Variants in ZNF33B observed in about 807,000 individuals in gnomAD.
ZNF33B encodes the protein zinc finger protein 33B.
In ZNF33B, 29 loss-of-function variants were observed where a neutral mutation model predicts 45.8. That is an observed-to-expected ratio of 0.63 (90% CI 0.47 to 0.86). ZNF33B has a LOEUF of 0.86. Ranked by LOEUF, ZNF33B falls within the 40% of genes least tolerant of loss-of-function variation. The pLI is 0.00. For missense variants in ZNF33B, 831 were observed against 909.9 expected (o/e 0.91, Z 1.12); for synonymous variants, 305 against 307.8 (o/e 0.99, Z 0.10).
chr10:42,601,468 G>GTTTTTT lies in ZNF33B; in HGVS notation c.251-6775_251-6770dup, dbSNP rs57196690. 5.2e-4 allele frequency among the ~76,000 whole-genome samples: 41 copies of GTTTTTT among 79,470 alleles called. 1 individual carries two copies. The highest frequency in any genetic ancestry group is 1.4e-3 in the African/African-American group (29 of 20,194). The allele number at this position is 79,470 out of a possible 152,430, so 52.1% of individuals were successfully genotyped here. On this transcript the variant is annotated intron_variant, in intron 4 of 4. Coordinates refer to ENST00000359467, the MANE Select transcript of ZNF33B (RefSeq NM_006955.3). ...GTTCTCCTAAAGCTCACATGGGCTT[G>GTTTTTT]TTTTTTTTTTTTTTTTTTTTTTTTT...
intron 4 of ZNF33B, among the ~76,000 whole-genome samples, chr10:42,620,435 C>T (rs558991800): frequency 6.6e-6 from 1 of 152,164 alleles, no homozygotes; most frequent in East Asian, 1.9e-4. Context: ...CAGGGTCTTG[C>T]TCTGTCACCC....
chr10:42,575,447 G>A (rs534178933), intron 1 of ZNF33B, among the ~76,000 whole-genome samples: 4 of 152,244 alleles, frequency 2.6e-5, no homozygotes, highest in East Asian at 1.9e-4. Context: ...TACTAGCTCC[G>A]AGAACTGAGA....
intron 4 of ZNF33B, among the ~76,000 whole-genome samples, chr10:42,626,046 G>C (rs989274769): frequency 5.9e-5 from 9 of 152,208 alleles, no homozygotes; most frequent in African/African-American, 1.9e-4. Flanking sequence ...ATCAAACTGA[G>C]GAAGATCCTC....
rs185751880 is a variant in ZNF33B, at chr10:42,615,055, A to G, written c.250+16874T>C. Among the ~76,000 whole-genome samples the G allele has an allele frequency of 6.6e-5, 10 of 152,318 alleles. No individual in the cohort carries two copies. The South Asian group carries it at 1.2e-3, about 19-fold the overall frequency. On this transcript the variant is annotated intron_variant, in intron 4 of 4. Coordinates refer to ENST00000359467, the MANE Select transcript of ZNF33B (RefSeq NM_006955.3). ...AACTACTGGATTGGTATAATAAATA[A>G]TAACAATAATATTAATAAAAAGTGT...
At chr10:42,618,975 T>A (rs1241071635) in intron 4 of ZNF33B, among the ~76,000 whole-genome samples, 1 of 152,124 alleles carries the variant, frequency 6.6e-6, no homozygotes, top group Non-Finnish European at 1.5e-5. Context: ...CTATTGATAG[T>A]CCTGTGCATG....
At chr10:42,583,240 G>A (rs1836860068) in intron 1 of ZNF33B, 1 of 644,062 alleles carries the variant, frequency 1.6e-6, no homozygotes, top group Non-Finnish European at 2.9e-6. Context: ...CTTAACCAAA[G>A]GAGGGAGACA....
At chr10:42,636,809 C>T in intron 2 of ZNF33B, 111 bp downstream of exon 2, 1 of 1,481,332 alleles carries the variant, frequency 6.8e-7, no homozygotes, top group Non-Finnish European at 9.4e-7. Context: ...GCCTGGGCGA[C>T]AGAGCGAGAC....
chr10:42,630,796 G>A (rs1839013978), intron 4 of ZNF33B, among the ~76,000 whole-genome samples: 1 of 152,150 alleles, frequency 6.6e-6, no homozygotes, highest in Non-Finnish European at 1.5e-5. Context: ...CTCATCTGCT[G>A]AAAATCTACC....
At chr10:42,611,996 AGACAG>A (rs1190087713) in intron 4 of ZNF33B, among the ~76,000 whole-genome samples, 2 of 152,148 alleles carry the variant, frequency 1.3e-5, no homozygotes, top group African/African-American at 2.4e-5. Flanking sequence ...AAGAGTGAAG[AGACAG>A]GACATCTTGT....
intron 1 of ZNF33B, among the ~76,000 whole-genome samples, chr10:42,580,416 T>C (rs1298425970): frequency 2.0e-5 from 3 of 152,030 alleles, no homozygotes; most frequent in African/African-American, 7.2e-5. Flanking sequence ...TTTTGTATTT[T>C]TAGTAGAGAT....
chr10:42,583,194 T>C, intron 1 of ZNF33B: 2 of 720,884 alleles, frequency 2.8e-6, no homozygotes, highest in East Asian at 2.6e-5. Flanking sequence ...GAAGATGGCC[T>C]GAAAGCCCTC....
intron 1 of ZNF33B, among the ~76,000 whole-genome samples, chr10:42,574,988 C>T (rs1000755735): frequency 2.6e-5 from 4 of 152,158 alleles, no homozygotes; most frequent in African/African-American, 9.7e-5. Context: ...AGATGCCCAC[C>T]TAATACCACC....
chr10:42,595,390 A>G (rs2132045595), intron 4 of ZNF33B, among the ~76,000 whole-genome samples: 1 of 152,312 alleles, frequency 6.6e-6, no homozygotes, highest in Admixed American at 6.5e-5. Context: ...GGCAAAGGGT[A>G]ATCAAACTCA....
chr10:42,586,840 T>C (rs1012626560), downstream of ZNF33B, among the ~76,000 whole-genome samples: 2 of 152,206 alleles, frequency 1.3e-5, no homozygotes, highest in Non-Finnish European at 2.9e-5. Flanking sequence ...GTGTGAACCA[T>C]GTACTATAAC....
chr10:42,616,407 T>C (rs1360900146), intron 4 of ZNF33B, among the ~76,000 whole-genome samples: 1 of 152,176 alleles, frequency 6.6e-6, no homozygotes, highest in Non-Finnish European at 1.5e-5. Context: ...ATAACACAAC[T>C]GATATGCATT....
intron 2 of ZNF33B, among the ~76,000 whole-genome samples, chr10:42,635,435 TATTC>T (rs1010438940): frequency 2.7e-4 from 41 of 152,302 alleles, no homozygotes; most frequent in African/African-American, 9.1e-4. Context: ...TTGACGTATG[TATTC>T]ATTATTTGCG....
chr10:42,616,799 A>C (rs1838339379), intron 4 of ZNF33B, among the ~76,000 whole-genome samples: 1 of 152,018 alleles, frequency 6.6e-6, no homozygotes, highest in Non-Finnish European at 1.5e-5. Context: ...GGATTCAAGC[A>C]ATTCTCCTGC....
At chr10:42,635,973 A>G (rs1218125567) in intron 2 of ZNF33B, among the ~76,000 whole-genome samples, 1 of 151,752 alleles carries the variant, frequency 6.6e-6, no homozygotes, top group Non-Finnish European at 1.5e-5. Flanking sequence ...TACTAAATCT[A>G]CAAAAATTAG....
Position 42,595,469 on chromosome 10 carries a change from ACTTATTAAAGACATTC to A in ZNF33B, c.251-786_251-771del, listed in dbSNP as rs146701011. Among the ~76,000 whole-genome samples the A allele has an allele frequency of 8.9e-3, 1,361 of 152,228 alleles. 16 individuals are homozygous for A. Among genetic ancestry groups the A allele is most frequent in the African/African-American group, 0.031 (1,274 of 41,538 alleles). On this transcript the variant is annotated intron_variant, in intron 4 of 4. Transcript: ENST00000359467. ...ACTTGTAATTCAAGTCTTATTAAAG[ACTTATTAAAGACATTC>A]CTTATTAAGGAATCTGTCATGGACT...
Sources: gnomAD v4.1 joint callset for allele counts (sites outside exome capture counted in the v4.1 genomes callset) on GRCh38, gnomAD v4.1.1 for gene constraint, MANE v1.5 for transcripts, NCBI Gene and HGNC (gene_info 2026-07-23, HGNC 2026-07-21) for gene names.